The following SEMA6D variants were observed in gnomAD, a reference collection of about 807,000 sequenced individuals.
SEMA6D encodes semaphorin 6D.
In SEMA6D, 35 loss-of-function variants were observed where a neutral mutation model predicts 106.6. The ratio of observed to expected loss-of-function variants is 0.33; its 90% CI spans 0.25 to 0.44. The LOEUF is 0.44. SEMA6D is among the 20% of genes least tolerant of loss of function. The probability of loss-of-function intolerance (pLI) is 1.00; values close to 1 mark genes in which losing one functional copy is unlikely to be tolerated. For synonymous variants in SEMA6D, 499 were observed against 487.7 expected (o/e 1.02, Z -0.31); for missense variants, 1,185 against 1,345.9 (o/e 0.88, Z 1.87).
chr15:47,695,372 T>A (rs903338136), intron 4 of SEMA6D, among the ~76,000 whole-genome samples: 3 of 152,156 alleles, frequency 2.0e-5, no homozygotes, highest in African/African-American at 7.2e-5. Flanking sequence ...TCTTCCTTCC[T>A]TTGCAAGGTG....
At chr15:47,546,332 A>G (rs528423472) in intron 3 of SEMA6D, among the ~76,000 whole-genome samples, 15 of 152,288 alleles carry the variant, frequency 9.8e-5, no homozygotes, top group African/African-American at 3.6e-4. Context: ...GTTTCCCAAG[A>G]TTATACAAGT....
chr15:47,228,163 C>CATAT (rs1555407474), intron 1 of SEMA6D, among the ~76,000 whole-genome samples: 68 of 136,750 alleles, frequency 5.0e-4, no homozygotes, highest in Admixed American at 1.2e-3. Context: ...CACACACACA[C>CATAT]ATATATATAT....
chr15:47,386,103 GATATA>G (rs779847442), intron 1 of SEMA6D, among the ~76,000 whole-genome samples: 4 of 152,156 alleles, frequency 2.6e-5, no homozygotes, highest in Non-Finnish European at 4.4e-5. Context: ...GGGATAGTGT[GATATA>G]ATATATCAAT....
At chr15:47,270,223 A>T (rs914546183) in intron 1 of SEMA6D, among the ~76,000 whole-genome samples, 14 of 149,008 alleles carry the variant, frequency 9.4e-5, no homozygotes, top group African/African-American at 3.4e-4. Flanking sequence ...GTATATATGT[A>T]TTTGATTTTG....
intron 1 of SEMA6D, among the ~76,000 whole-genome samples, chr15:47,372,657 T>C (rs546105688): frequency 2.0e-4 from 30 of 152,312 alleles, no homozygotes; most frequent in African/African-American, 6.5e-4. Context: ...AATCACCATG[T>C]ATTTAGTGTT....
intron 1 of SEMA6D, among the ~76,000 whole-genome samples, chr15:47,195,360 G>A (rs1894266735): frequency 6.6e-6 from 1 of 152,120 alleles, no homozygotes; most frequent in Non-Finnish European, 1.5e-5. Flanking sequence ...GCCCAGATAA[G>A]TCTAACTTTC....
chr15:47,332,180 T>C (rs574994569), intron 1 of SEMA6D, among the ~76,000 whole-genome samples: 52 of 152,220 alleles, frequency 3.4e-4, no homozygotes, highest in Non-Finnish European at 2.9e-4. Context: ...CCTTAACTAA[T>C]AGCACTACAG....
At chr15:47,355,933 A>G (rs1267164910) in intron 1 of SEMA6D, among the ~76,000 whole-genome samples, 1 of 152,206 alleles carries the variant, frequency 6.6e-6, no homozygotes, top group Non-Finnish European at 1.5e-5. Context: ...CAGTATTTCT[A>G]AACATGACAT....
At chr15:47,393,833 A>G (rs927624694) in intron 1 of SEMA6D, among the ~76,000 whole-genome samples, 2 of 152,198 alleles carry the variant, frequency 1.3e-5, no homozygotes, top group African/African-American at 2.4e-5. Context: ...ATTGTTATTC[A>G]TAGCTTCTGT....
At chr15:47,333,921 A>G (rs1295543520) in intron 1 of SEMA6D, among the ~76,000 whole-genome samples, 1 of 152,152 alleles carries the variant, frequency 6.6e-6, no homozygotes, top group Non-Finnish European at 1.5e-5. Context: ...GCCGAAGGCA[A>G]TCTAATCTGA....
chr15:47,412,996 G>A (rs748465833), intron 2 of SEMA6D, among the ~76,000 whole-genome samples: 1 of 152,312 alleles, frequency 6.6e-6, no homozygotes. Context: ...GACACTTGCT[G>A]CTGTCAGAGA....
At chr15:47,687,285 C>T (rs1023913378) in intron 4 of SEMA6D, among the ~76,000 whole-genome samples, 5 of 152,024 alleles carry the variant, frequency 3.3e-5, no homozygotes, top group African/African-American at 7.2e-5. Context: ...CAGATGCTTC[C>T]GTGCCCTTGA....
chr15:47,689,474 A>G (rs894394564), intron 4 of SEMA6D, among the ~76,000 whole-genome samples: 5 of 152,254 alleles, frequency 3.3e-5, no homozygotes, highest in African/African-American at 4.8e-5. Flanking sequence ...ATATCTTAGA[A>G]TAGGAATCCT....
intron 1 of SEMA6D, among the ~76,000 whole-genome samples, chr15:47,364,116 ATTGACTTTTGGG>A (rs2038917853): frequency 2.0e-5 from 3 of 152,166 alleles, no homozygotes; most frequent in Non-Finnish European, 2.9e-5. Flanking sequence ...AAATTAAGAC[ATTGACTTTTGGG>A]TTAAGAGTCA....
intron 1 of SEMA6D, among the ~76,000 whole-genome samples, chr15:47,377,253 T>C (rs1402762879): frequency 6.6e-6 from 1 of 152,236 alleles, no homozygotes; most frequent in Non-Finnish European, 1.5e-5. Flanking sequence ...TGATAATAAA[T>C]TTGTGTCTTA....
intron 1 of SEMA6D, among the ~76,000 whole-genome samples, chr15:47,229,943 A>G (rs2032074347): frequency 6.6e-6 from 1 of 152,142 alleles, no homozygotes; most frequent in African/African-American, 2.4e-5. Context: ...CAGATAAAGA[A>G]TGAAAAGCTT....
chr15:47,390,336 C>T (rs1432210091), intron 1 of SEMA6D, among the ~76,000 whole-genome samples: 1 of 152,132 alleles, frequency 6.6e-6, no homozygotes, highest in African/African-American at 2.4e-5. Flanking sequence ...TTGCTTAAGT[C>T]CCCTTAACTA....
intron 1 of SEMA6D, among the ~76,000 whole-genome samples, chr15:47,199,762 G>A (rs573907150): frequency 6.6e-6 from 1 of 152,156 alleles, no homozygotes; most frequent in East Asian, 1.9e-4. Context: ...CAGTACCAAA[G>A]TGTAGGATTT....
At chr15:47,649,225 G>A (rs536168209) in intron 4 of SEMA6D, among the ~76,000 whole-genome samples, 1 of 152,222 alleles carries the variant, frequency 6.6e-6, no homozygotes, top group East Asian at 1.9e-4. Flanking sequence ...TTAAATAGAA[G>A]CATTGAGCCA....
Sources: allele counts gnomAD v4.1 joint callset (sites outside exome capture counted in the v4.1 genomes callset), GRCh38; gene constraint gnomAD v4.1.1; transcripts MANE v1.5; gene names NCBI Gene and HGNC (gene_info 2026-07-23, HGNC 2026-07-21).